NDUFS4: variants seen among roughly 807,000 people sequenced by gnomAD.
NDUFS4 encodes the protein NADH:ubiquinone oxidoreductase subunit S4, also known as NADH dehydrogenase [ubiquinone] iron-sulfur protein 4, mitochondrial.
NDUFS4 carries 28 observed loss-of-function variants against 24.3 expected under a neutral mutation model. That is an observed-to-expected ratio of 1.15 (90% CI 0.85 to 1.58). The LOEUF (loss-of-function observed/expected upper bound fraction) is 1.58, where lower values mean the gene tolerates loss of function less well. Among genes scored for constraint, NDUFS4 ranks in the 40% most tolerant of loss-of-function variants. NDUFS4 has a pLI of 0.00. For missense variants in NDUFS4, 223 were observed against 207.9 expected (o/e 1.07, Z -0.45); for synonymous variants, 93 against 69.7 (o/e 1.34, Z -1.67).
chr5:53,591,027 T>C (rs2112441579), intron 1 of NDUFS4, among the ~76,000 whole-genome samples: 1 of 152,352 alleles, frequency 6.6e-6, no homozygotes, highest in Non-Finnish European at 1.5e-5. Context: ...AATAGAATCA[T>C]ATACTATTCT....
intron 1 of NDUFS4, among the ~76,000 whole-genome samples, chr5:53,601,422 A>G (rs1750320757): frequency 6.6e-6 from 1 of 152,184 alleles, no homozygotes; most frequent in Non-Finnish European, 1.5e-5. Context: ...TAAATTAAGA[A>G]CTTTACTTTG....
Position 53,674,555 on chromosome 5 carries a change from C to T in NDUFS4, c.425-8563C>T, listed in dbSNP as rs1053537580. On this transcript the variant is annotated intron_variant, in intron 4 of 4. Coordinates refer to ENST00000296684, the MANE Select transcript of NDUFS4 (RefSeq NM_002495.4). Reference sequence around the variant, plus strand: ...GGGTTCACAACTAATTGATCACAACCGGTTACAGATATCATTATTCCTTTT... The same window carrying T: ...GGGTTCACAACTAATTGATCACAACTGGTTACAGATATCATTATTCCTTTT... Among the ~76,000 whole-genome samples, 13 of 152,060 alleles carry T rather than the reference C, an allele frequency of 8.5e-5. No homozygotes were observed. The East Asian group carries it at 1.4e-3, about 16-fold the overall frequency.
intron 4 of NDUFS4, among the ~76,000 whole-genome samples, chr5:53,661,617 T>A (rs1486758373): frequency 6.6e-6 from 1 of 152,232 alleles, no homozygotes; most frequent in African/African-American, 2.4e-5. Flanking sequence ...ACGATATTGA[T>A]TCTTCCTACC....
intron 2 of NDUFS4, among the ~76,000 whole-genome samples, chr5:53,628,075 G>C (rs1165675295): frequency 1.3e-5 from 2 of 152,150 alleles, no homozygotes; most frequent in African/African-American, 4.8e-5. Context: ...AGTTTATTGA[G>C]AGTTTTTAGC....
intron 3 of NDUFS4, among the ~76,000 whole-genome samples, chr5:53,655,837 G>A (rs1447726875): frequency 6.6e-6 from 1 of 152,140 alleles, no homozygotes; most frequent in East Asian, 1.9e-4. Context: ...AAAAGGCACG[G>A]CCTTTCTGAA....
chr5:53,573,650 G>A (rs906607087), intron 1 of NDUFS4: 1 of 443,644 alleles, frequency 2.3e-6, no homozygotes, highest in Admixed American at 2.4e-5. Context: ...GTGCAGTGGT[G>A]CAATCATAGC....
chr5:53,651,774 C>CTTTTTTT (rs34235265), intron 3 of NDUFS4, among the ~76,000 whole-genome samples: 2 of 118,082 alleles, frequency 1.7e-5, no homozygotes, highest in Non-Finnish European at 3.4e-5. Flanking sequence ...TAACTTTATT[C>CTTTTTTT]TTTTTTTTTT....
chr5:53,572,397 T>C (rs1233371315), intron 1 of NDUFS4, among the ~76,000 whole-genome samples: 1 of 152,204 alleles, frequency 6.6e-6, no homozygotes, highest in African/African-American at 2.4e-5. Context: ...CGTTTTTCAG[T>C]ATTACAAGGT....
At chr5:53,616,507 A>C (rs1362507453) in intron 2 of NDUFS4, among the ~76,000 whole-genome samples, 3 of 152,142 alleles carry the variant, frequency 2.0e-5, no homozygotes, top group African/African-American at 7.2e-5. Flanking sequence ...ATGAGAAAGA[A>C]GCAGCTGTGT....
In NDUFS4 at chr5:53,560,880, G is replaced by A. The variant is rs1748816195; in HGVS notation, c.98+120G>A. On this transcript the variant is annotated intron_variant, in intron 1 of 4. Transcript: ENST00000296684. Reference sequence around the variant, plus strand: ...GGCGTCCTCTGTTGACCCTTTTCTCGGGAGAAGTCGGGCGGACTAGGGACT... The same window carrying A: ...GGCGTCCTCTGTTGACCCTTTTCTCAGGAGAAGTCGGGCGGACTAGGGACT... 37 of 1,549,882 alleles carry A rather than the reference G, an allele frequency of 2.4e-5. 1 individual carries two copies. The South Asian group carries it at 3.9e-4, about 16-fold the overall frequency.
intron 2 of NDUFS4, among the ~76,000 whole-genome samples, chr5:53,635,756 C>G (rs1367852328): frequency 6.6e-6 from 1 of 152,000 alleles, no homozygotes; most frequent in African/African-American, 2.4e-5. Context: ...TTCAGTTGTT[C>G]CAAAGTTTGA....
intron 1 of NDUFS4, among the ~76,000 whole-genome samples, chr5:53,568,100 G>C (rs563796851): frequency 9.2e-5 from 14 of 152,086 alleles, no homozygotes; most frequent in Non-Finnish European, 8.8e-5. Flanking sequence ...TTTGTTGTCT[G>C]TTACTAAGTA....
chr5:53,568,774 C>G (rs1169970020), intron 1 of NDUFS4, among the ~76,000 whole-genome samples: 1 of 152,112 alleles, frequency 6.6e-6, no homozygotes, highest in Non-Finnish European at 1.5e-5. Context: ...ATGTAGTTCT[C>G]TAAGAAAGTT....
chr5:53,637,199 G>T (rs929208050), intron 2 of NDUFS4, among the ~76,000 whole-genome samples: 129 of 142,388 alleles, frequency 9.1e-4, no homozygotes, highest in Non-Finnish European at 5.6e-4. Flanking sequence ...GTGAATTCCT[G>T]TTTGAGGTCC....
At chr5:53,562,385 C>T (rs915850690) in intron 1 of NDUFS4, among the ~76,000 whole-genome samples, 2 of 152,030 alleles carry the variant, frequency 1.3e-5, no homozygotes, top group South Asian at 4.1e-4. Context: ...TTTGAAGGGA[C>T]CACTGGTTTA....
intron 2 of NDUFS4, among the ~76,000 whole-genome samples, chr5:53,619,496 A>AAAC (rs1554056997): frequency 6.7e-6 from 1 of 150,106 alleles, no homozygotes; most frequent in African/African-American, 2.4e-5. Context: ...CAAAAAAAAA[A>AAAC]AAAAAAAAAA....
At chr5:53,680,685 G>A (rs1740635611) in intron 4 of NDUFS4, among the ~76,000 whole-genome samples, 2 of 151,966 alleles carry the variant, frequency 1.3e-5, no homozygotes, top group South Asian at 4.2e-4. Context: ...TCACATTCTG[G>A]GGACTGTTGT....
intron 1 of NDUFS4, among the ~76,000 whole-genome samples, chr5:53,575,194 G>T (rs112200033): frequency 4.1e-4 from 62 of 152,264 alleles, no homozygotes; most frequent in African/African-American, 1.3e-3. Flanking sequence ...GTTTCCAGCC[G>T]CATTTAAGTT....
chr5:53,587,407 A>T (rs1290764437), intron 1 of NDUFS4, among the ~76,000 whole-genome samples: 1 of 152,164 alleles, frequency 6.6e-6, no homozygotes, highest in East Asian at 1.9e-4. Context: ...CCTAGATTTA[A>T]CATGGTTAGT....
Sources: allele counts gnomAD v4.1 joint callset (sites outside exome capture counted in the v4.1 genomes callset), GRCh38; gene constraint gnomAD v4.1.1; transcripts MANE v1.5; gene names NCBI Gene and HGNC (gene_info 2026-07-23, HGNC 2026-07-21).